The following PRH1 variants were observed in gnomAD, a reference collection of about 807,000 sequenced individuals.
PRH1 encodes proline rich protein HaeIII subfamily 1.
PRH1 carries 7 observed loss-of-function variants against 7.9 expected under a neutral mutation model. The ratio of observed to expected loss-of-function variants is 0.89; its 90% CI spans 0.50 to 1.67. PRH1 has a LOEUF of 1.67. Among genes scored for constraint, PRH1 ranks in the 40% most tolerant of loss-of-function variants. PRH1 has a pLI of 0.00. For synonymous variants in PRH1, 45 were observed against 80.8 expected, an observed-to-expected ratio of 0.56 and a Z score of 2.38; for missense variants, 109 against 223.6, an observed-to-expected ratio of 0.49 and a Z score of 3.27.
At chr12:11,151,188 GA>G (rs532231982) in intron 1 of PRH1, among the ~76,000 whole-genome samples, 32 of 152,058 alleles carry the variant, frequency 2.1e-4, no homozygotes, top group African/African-American at 7.7e-4. Context: ...TGAAGTGTGA[GA>G]ACCTGCAAGA....
intron 1 of PRH1, chr12:11,133,809 C>T: frequency 1.2e-6 from 2 of 1,614,120 alleles, no homozygotes; most frequent in Non-Finnish European, 1.7e-6. Context: ...ATGTTTATCA[C>T]AAAAAGATGA....
chr12:10,959,631 G>T (rs1938142106), intron 2 of PRH1, among the ~76,000 whole-genome samples: 1 of 152,026 alleles, frequency 6.6e-6, no homozygotes, highest in Admixed American at 6.6e-5. Flanking sequence ...TTCTATCTAT[G>T]TATTTCTTCA....
chr12:10,886,171 T>A (rs1338286674), upstream of PRH1, among the ~76,000 whole-genome samples: 1 of 152,194 alleles, frequency 6.6e-6, no homozygotes, highest in Non-Finnish European at 1.5e-5. Flanking sequence ...ATGGAGATTA[T>A]TGTCTCTGGT....
At chr12:11,099,942 T>C (rs1469603135) in intron 1 of PRH1, among the ~76,000 whole-genome samples, 1 of 152,134 alleles carries the variant, frequency 6.6e-6, no homozygotes, top group Non-Finnish European at 1.5e-5. Flanking sequence ...AAGAAATCCT[T>C]TGGAGAGATC....
At chr12:10,970,134 G>A (rs1420968775) in intron 2 of PRH1, among the ~76,000 whole-genome samples, 7 of 152,124 alleles carry the variant, frequency 4.6e-5, no homozygotes, top group Non-Finnish European at 1.5e-5. Context: ...AAGCAATGCA[G>A]CACTACACAT....
chr12:10,998,421 C>G (rs1940410710), intron 1 of PRH1, among the ~76,000 whole-genome samples: 1 of 152,062 alleles, frequency 6.6e-6, no homozygotes, highest in Admixed American at 6.6e-5. Context: ...AACTTTTTAT[C>G]AAAATCACCT....
chr12:11,065,582 G>A (rs563109138), intron 1 of PRH1, among the ~76,000 whole-genome samples: 4 of 152,156 alleles, frequency 2.6e-5, no homozygotes, highest in African/African-American at 9.6e-5. Context: ...TCTGTCTATT[G>A]GATTCTCAAT....
chr12:11,017,884 G>C (rs543068912), intron 1 of PRH1, among the ~76,000 whole-genome samples: 6 of 152,170 alleles, frequency 3.9e-5, no homozygotes, highest in Non-Finnish European at 7.4e-5. Flanking sequence ...GGATTTTGGA[G>C]TCCAAAAATA....
chr12:11,139,339 T>C (rs1946642837), intron 1 of PRH1, among the ~76,000 whole-genome samples: 1 of 152,182 alleles, frequency 6.6e-6, no homozygotes, highest in Non-Finnish European at 1.5e-5. Context: ...ACTCCCAATA[T>C]ACGTCTTCTT....
chr12:10,996,254 C>T (rs1940227946), intron 1 of PRH1, among the ~76,000 whole-genome samples: 1 of 151,532 alleles, frequency 6.6e-6, no homozygotes, highest in Admixed American at 6.6e-5. Context: ...ACTTGAACCC[C>T]AGAGGTGAAC....
intron 1 of PRH1, among the ~76,000 whole-genome samples, chr12:11,005,735 C>G (rs919836091): frequency 2.0e-5 from 3 of 152,052 alleles, no homozygotes; most frequent in African/African-American, 7.2e-5. Context: ...TGAAATAGCC[C>G]TATTTTCCCT....
chr12:10,903,872 C>A (rs1343441796), intron 2 of PRH1, among the ~76,000 whole-genome samples: 2 of 117,796 alleles, frequency 1.7e-5, no homozygotes, highest in Non-Finnish European at 3.3e-5. Flanking sequence ...CATTTCTATA[C>A]AATAAAAATC....
At chr12:11,051,340 C>A (rs757585143), upstream of PRH1, among the ~76,000 whole-genome samples, 3 of 152,054 alleles carry the variant, frequency 2.0e-5, no homozygotes, top group Non-Finnish European at 2.9e-5. Context: ...TCTTTTAGAG[C>A]TGTACATGAA....
intron 1 of PRH1, among the ~76,000 whole-genome samples, chr12:11,066,744 A>T (rs1168871476): frequency 1.3e-5 from 2 of 151,726 alleles, no homozygotes; most frequent in African/African-American, 2.4e-5. Flanking sequence ...CAGGGTAGTG[A>T]GAGAACCCTA....
chr12:10,972,939 C>CCCA (rs1419820762), intron 2 of PRH1, among the ~76,000 whole-genome samples: 2 of 129,686 alleles, frequency 1.5e-5, no homozygotes, highest in East Asian at 2.8e-4. Flanking sequence ...CCCACCCCCC[C>CCCA]CGCCCGCCCA....
chr12:10,960,821 T>C (rs1451708499), intron 2 of PRH1, among the ~76,000 whole-genome samples: 1 of 152,230 alleles, frequency 6.6e-6, no homozygotes, highest in African/African-American at 2.4e-5. Flanking sequence ...ATGGTGTTTT[T>C]ACAGGTCCAT....
chr12:10,973,363 G>C (rs1938925990), intron 2 of PRH1: 1 of 261,024 alleles, frequency 3.8e-6, no homozygotes, highest in Non-Finnish European at 7.1e-6. Flanking sequence ...TTTCAGTTTT[G>C]ATAATATAAT....
intron 1 of PRH1, among the ~76,000 whole-genome samples, chr12:11,153,113 T>A (rs1321923564): frequency 6.6e-6 from 1 of 152,150 alleles, no homozygotes; most frequent in Non-Finnish European, 1.5e-5. Flanking sequence ...TATAATCAAG[T>A]TCCTATAGAA....
chr12:10,935,244 TAGGGCTC>T (rs1378975350), intron 2 of PRH1, among the ~76,000 whole-genome samples: 1 of 152,196 alleles, frequency 6.6e-6, no homozygotes, highest in East Asian at 1.9e-4. Flanking sequence ...AATAAGAATA[TAGGGCTC>T]AGGAAATCAC....
Sources: allele counts gnomAD v4.1 joint callset (sites outside exome capture counted in the v4.1 genomes callset), GRCh38; gene constraint gnomAD v4.1.1; transcripts MANE v1.5; gene names NCBI Gene and HGNC (gene_info 2026-07-23, HGNC 2026-07-21).